Variants in FNDC3B observed in about 807,000 individuals in gnomAD.
FNDC3B encodes the protein fibronectin type III domain-containing protein 3B.
FNDC3B carries 12 observed loss-of-function variants against 151.5 expected under a neutral mutation model. The observed-to-expected ratio is 0.08, with a 90% CI of 0.05 to 0.13. FNDC3B has a LOEUF of 0.13. Among genes scored for constraint, FNDC3B ranks in the 10% least tolerant of loss-of-function variants. The pLI, the probability that FNDC3B is intolerant of heterozygous loss-of-function variation, is 1.00. For missense variants in FNDC3B, 1,214 were observed against 1,505.3 expected, an observed-to-expected ratio of 0.81 and a Z score of 3.20; for synonymous variants, 528 against 549.0, an observed-to-expected ratio of 0.96 and a Z score of 0.54.
At chr3:172,120,489 A>C (rs1286916972) in intron 2 of FNDC3B, among the ~76,000 whole-genome samples, 1 of 152,102 alleles carries the variant, frequency 6.6e-6, no homozygotes, top group East Asian at 1.9e-4. Flanking sequence ...GAATGGATGA[A>C]GGATGAAGGC....
intron 3 of FNDC3B, among the ~76,000 whole-genome samples, chr3:172,143,083 A>G (rs150632216): frequency 3.3e-5 from 5 of 152,240 alleles, no homozygotes; most frequent in African/African-American, 7.2e-5. Flanking sequence ...TAGAATTTCA[A>G]TGTATGAATT....
At chr3:172,254,289 G>A (rs1728226758) in intron 6 of FNDC3B, among the ~76,000 whole-genome samples, 1 of 151,778 alleles carries the variant, frequency 6.6e-6, no homozygotes, top group African/African-American at 2.4e-5. Flanking sequence ...AAACTTTAAA[G>A]CAATAGAGAT....
chr3:172,323,472 G>A (rs1732189634), intron 11 of FNDC3B, among the ~76,000 whole-genome samples: 6 of 152,158 alleles, frequency 3.9e-5, no homozygotes, highest in Admixed American at 3.9e-4. Flanking sequence ...TGGTCTGTTT[G>A]TACCACTGCT....
Position 172,134,161 on chromosome 3 carries a change from T to A in FNDC3B, c.187+615T>A, listed in dbSNP as rs184469212. ...TAGGATTAGCTCAGAGTTCAGAACC[T>A]TATCATCTAAAGTTCCAGGTGTAGG... On this transcript the variant is annotated intron_variant, in intron 3 of 25. Transcript: ENST00000415807. Among the ~76,000 whole-genome samples the A allele has an allele frequency of 3.3e-5, 5 of 152,344 alleles. No homozygotes were observed. In the East Asian group the frequency reaches 7.7e-4, roughly 23 times the overall value.
chr3:172,339,744 T>C (rs1733193068), intron 16 of FNDC3B, among the ~76,000 whole-genome samples: 1 of 152,214 alleles, frequency 6.6e-6, no homozygotes, highest in Non-Finnish European at 1.5e-5. Flanking sequence ...TAGGGGCCCT[T>C]CTGGACTTCC....
intron 25 of FNDC3B, among the ~76,000 whole-genome samples, chr3:172,384,383 G>A (rs596953): frequency 0.57 from 85,956 of 151,920 alleles, 28,085 homozygotes; most frequent in Non-Finnish European, 0.75. Context: ...ACTTACATGC[G>A]TAATTGTTTC....
intron 1 of FNDC3B, among the ~76,000 whole-genome samples, chr3:172,068,517 G>A (rs1171679161): frequency 2.8e-5 from 4 of 142,120 alleles, no homozygotes; most frequent in Admixed American, 7.6e-5. Flanking sequence ...TCCGCCACCC[G>A]GGTTCAAGCA....
At chr3:172,386,727 C>T (rs372551050) in intron 25 of FNDC3B, among the ~76,000 whole-genome samples, 21 of 132,382 alleles carry the variant, frequency 1.6e-4, no homozygotes, top group South Asian at 1.4e-3. Flanking sequence ...GGGGACAGAG[C>T]GAGACTCTGT....
chr3:172,107,693 C>T (rs1158112891), intron 1 of FNDC3B, among the ~76,000 whole-genome samples: 1 of 152,150 alleles, frequency 6.6e-6, no homozygotes, highest in African/African-American at 2.4e-5. Flanking sequence ...GCTACCTTCA[C>T]AGCTGATGAT....
intron 3 of FNDC3B, chr3:172,225,478 A>G (rs372696586): frequency 3.3e-4 from 78 of 235,416 alleles, no homozygotes; most frequent in African/African-American, 1.7e-3. Context: ...TTGCCACAAT[A>G]ATGTCTGTCA....
chr3:172,063,637 C>T (rs1439345370), intron 1 of FNDC3B, among the ~76,000 whole-genome samples: 2 of 152,112 alleles, frequency 1.3e-5, no homozygotes, highest in Admixed American at 6.5e-5. Context: ...GGAGTTGGCT[C>T]AGGACATTCA....
rs1313070161 is a variant in FNDC3B at position 172,040,351 on chromosome 3, C to T, written c.-29+580C>T. Among the ~76,000 whole-genome samples the T allele has an allele frequency of 6.6e-6, 1 of 151,854 alleles. No homozygotes were observed. Among genetic ancestry groups the T allele is most frequent in the African/African-American group, 2.4e-5 (1 of 41,388 alleles). ...CGGGGGCGGTCGGGGGCCTCGAACC[C>T]GGGGATGCTCGCGGGGAGGGTCCCG... On this transcript the variant is annotated intron_variant, in intron 1 of 25. Coordinates refer to ENST00000415807, the MANE Select transcript of FNDC3B (RefSeq NM_022763.4). This position sits in a 1 kb window ranked among gnomAD's most constrained non-coding sequence, Gnocchi z 6.6.
At chr3:172,289,707 G>C (rs1158555532) in intron 7 of FNDC3B, among the ~76,000 whole-genome samples, 1 of 152,202 alleles carries the variant, frequency 6.6e-6, no homozygotes, top group Non-Finnish European at 1.5e-5. Flanking sequence ...CTGTAGCTGG[G>C]TTCTGGCCGG....
At chr3:172,322,043 T>C (rs369663880) in intron 11 of FNDC3B, among the ~76,000 whole-genome samples, 3 of 152,242 alleles carry the variant, frequency 2.0e-5, no homozygotes, top group African/African-American at 7.2e-5. Context: ...TAGATGAGTG[T>C]AATATTGCAT....
At chr3:172,267,138 G>C (rs751075158) in intron 6 of FNDC3B, among the ~76,000 whole-genome samples, 3 of 150,378 alleles carry the variant, frequency 2.0e-5, no homozygotes, top group Non-Finnish European at 4.4e-5. Context: ...AGCAGTTTAC[G>C]TAGGGAAATC....
At chr3:172,169,025 G>T (rs995812559) in intron 3 of FNDC3B, among the ~76,000 whole-genome samples, 2 of 95,052 alleles carry the variant, frequency 2.1e-5, no homozygotes, top group African/African-American at 4.1e-5. Context: ...GCTCACTGTT[G>T]TAAGAGCTAA....
chr3:172,314,348 A>G (rs997214619), intron 11 of FNDC3B, among the ~76,000 whole-genome samples: 2 of 152,178 alleles, frequency 1.3e-5, no homozygotes, highest in South Asian at 2.1e-4. Flanking sequence ...CAGAGACACA[A>G]ATCACTGCCT....
At chr3:172,296,059 G>A (rs565907519) in intron 8 of FNDC3B, among the ~76,000 whole-genome samples, 1 of 152,274 alleles carries the variant, frequency 6.6e-6, no homozygotes, top group East Asian at 1.9e-4. Flanking sequence ...TGGACTCCCA[G>A]GTATTGACCA....
intron 7 of FNDC3B, among the ~76,000 whole-genome samples, chr3:172,288,007 C>T (rs528017836): frequency 4.2e-4 from 64 of 152,192 alleles, no homozygotes; most frequent in Non-Finnish European, 7.8e-4. Flanking sequence ...CCGTTCTGTA[C>T]CCATCGCAGA....
Sources: gnomAD v4.1 joint callset for allele counts (sites outside exome capture counted in the v4.1 genomes callset) on GRCh38, gnomAD v4.1.1 for gene constraint, Gnocchi (gnomAD v3.1) non-coding constraint, MANE v1.5 for transcripts, NCBI Gene and HGNC (gene_info 2026-07-23, HGNC 2026-07-21) for gene names.